The following DST variants were observed in gnomAD, a reference collection of about 807,000 sequenced individuals.
DST encodes the protein bullous pemphigoid antigen.
A neutral mutation model predicts 875.2 loss-of-function variants in DST; 253 were observed. The ratio of observed to expected loss-of-function variants is 0.29; its 90% confidence interval spans 0.26 to 0.32. DST has a LOEUF of 0.32. Ranked by LOEUF, DST falls within the 10% of genes least tolerant of loss-of-function variation. The pLI, the probability that DST is intolerant of heterozygous loss-of-function variation, is 1.00. For missense variants in DST, 8,287 were observed against 9,111.6 expected (o/e 0.91, Z 3.68); for synonymous variants, 3,124 against 3,197.1 (o/e 0.98, Z 0.77).
chr6:56,659,004 C>T (rs1439952031), intron 10 of DST, among the ~76,000 whole-genome samples: 2 of 152,240 alleles, frequency 1.3e-5, no homozygotes, highest in East Asian at 3.9e-4. Flanking sequence ...CTCTCATGAA[C>T]GTCTTAAAGG....
chr6:56,937,380 G>A (rs1239515244), intron 2 of DST, among the ~76,000 whole-genome samples: 1 of 152,084 alleles, frequency 6.6e-6, no homozygotes, highest in African/African-American at 2.4e-5. Context: ...CACCAGAGAA[G>A]ATATATGAAT....
At position 56,598,533 on chromosome 6, in the gene DST, C is replaced by G; in HGVS notation, c.11871G>C (p.Gln3957His). ...KCEQLNLKAE[Q>H]SKKELDKVVT... ...CAACTTTATCCAGCTCCTTTTTAGA[C>G]TGTTCTGCTTTTAAATTAAGCTGTT... The change falls in exon 46 of 104, where the codon CAG becomes CAC. Residue 3957 changes from glutamine to histidine, a missense_variant. Coordinates refer to ENST00000680361, the MANE Select transcript of DST (RefSeq NM_001374736.1). 6.2e-7 allele frequency: 1 copy of G among 1,603,322 alleles called. No homozygotes were observed.
At chr6:56,759,199 C>T (rs2099611497) in intron 4 of DST, among the ~76,000 whole-genome samples, 1 of 152,120 alleles carries the variant, frequency 6.6e-6, no homozygotes, top group Admixed American at 6.5e-5. Context: ...GCCTGTAATC[C>T]CAGCACTCTG....
At chr6:56,509,914 T>C (rs761642367) in intron 73 of DST, 41 bp from the exon 74 acceptor site, 44 of 1,405,334 alleles carry the variant, frequency 3.1e-5, no homozygotes, top group Middle Eastern at 3.7e-4. Flanking sequence ...AAAAAAGATC[T>C]GTAATACCAA....
At chr6:56,803,741 T>A (rs2099750007) in intron 4 of DST, among the ~76,000 whole-genome samples, 1 of 152,214 alleles carries the variant, frequency 6.6e-6, no homozygotes, top group African/African-American at 2.4e-5. Flanking sequence ...CCTTTTACAT[T>A]ATTCTAAGAT....
chr6:56,781,631 A>G (rs906230552), intron 4 of DST, among the ~76,000 whole-genome samples: 8 of 152,160 alleles, frequency 5.3e-5, no homozygotes, highest in African/African-American at 1.9e-4. Context: ...GGCTGAGACA[A>G]TGGGGTTTTC....
At chr6:56,659,028 T>C (rs1032939367) in intron 10 of DST, among the ~76,000 whole-genome samples, 3 of 152,118 alleles carry the variant, frequency 2.0e-5, no homozygotes, top group Non-Finnish European at 2.9e-5. Flanking sequence ...GTAAACTTTT[T>C]CCCCAATAGC....
intron 4 of DST, among the ~76,000 whole-genome samples, chr6:56,802,550 CT>C (rs1263940104): frequency 6.6e-6 from 1 of 151,988 alleles, no homozygotes; most frequent in African/African-American, 2.4e-5. Flanking sequence ...ATATTGACTC[CT>C]AACTGCCAGC....
At chr6:56,867,114 G>A (rs1437177612) in intron 3 of DST, among the ~76,000 whole-genome samples, 1 of 152,184 alleles carries the variant, frequency 6.6e-6, no homozygotes, top group Non-Finnish European at 1.5e-5. Flanking sequence ...GGGGATAACA[G>A]AGAACCGAGG....
intron 50 of DST, 108 bp downstream of exon 50, chr6:56,578,706 C>G: frequency 2.7e-6 from 3 of 1,119,984 alleles, no homozygotes; most frequent in Non-Finnish European, 3.8e-6. Flanking sequence ...AGAGAAAGAG[C>G]ACATAGAACA....
chr6:56,864,188 C>A (rs1369061417), intron 3 of DST: 1 of 152,204 alleles, frequency 6.6e-6, no homozygotes, highest in Non-Finnish European at 1.5e-5. Flanking sequence ...GCCTGAGTTT[C>A]CAGCCTGATA....
chr6:56,743,850 TAAA>T (rs1282145514), intron 4 of DST, among the ~76,000 whole-genome samples: 23 of 152,200 alleles, frequency 1.5e-4, no homozygotes, highest in Non-Finnish European at 4.4e-5. Context: ...AAAAATGAGT[TAAA>T]AATAAAAAGT....
At chr6:56,642,665 T>A (rs1237023180) in intron 15 of DST, 162 bp from the exon 16 acceptor site, 1 of 1,614,180 alleles carries the variant, frequency 6.2e-7, no homozygotes, top group Non-Finnish European at 8.5e-7. Flanking sequence ...ATGCAAGAGT[T>A]GATCAGTGTT....
chr6:56,790,064 C>A (rs1425459076), intron 4 of DST, among the ~76,000 whole-genome samples: 2 of 152,114 alleles, frequency 1.3e-5, no homozygotes, highest in Non-Finnish European at 2.9e-5. Flanking sequence ...TCTCTTCATG[C>A]CTAGACTGCT....
chr6:56,692,260 A>T, intron 9 of DST: 1 of 449,660 alleles, frequency 2.2e-6, no homozygotes, highest in Non-Finnish European at 3.6e-6. Flanking sequence ...ACAAAACGCA[A>T]CAGAAACTCT....
chr6:56,499,043 A>C lies in DST; in HGVS notation c.19897-990T>G, dbSNP rs187335246. Among the ~76,000 whole-genome samples, 3 of 152,304 alleles carry C rather than the reference A, an allele frequency of 2.0e-5. No homozygotes were observed. The East Asian group carries it at 5.8e-4, about 29-fold the overall frequency. On this transcript the variant is annotated intron_variant, in intron 80 of 103. Coordinates refer to ENST00000680361, the MANE Select transcript of DST (RefSeq NM_001374736.1). ...AAATATCAATTTCTTTTACTGAATG[A>C]GTATAGCCTTAGTAATATTAATAGT...
At position 56,615,808 on chromosome 6, in the gene DST, G is replaced by A. The variant is rs375035239; in HGVS notation, c.4930-1324C>T. 9.9e-6 allele frequency: 16 copies of A among 1,613,906 alleles called. No individual in the cohort carries two copies. The highest frequency in any genetic ancestry group is 1.3e-5 in the Non-Finnish European group (15 of 1,180,030). On this transcript the variant is annotated intron_variant, in intron 36 of 103. Coordinates refer to ENST00000680361, the MANE Select transcript of DST (RefSeq NM_001374736.1). ...TCAAGTACTGAAATTCCAAACATCGGATTCCCATTTCCTTATTTATAATAT... is the reference window on the plus strand; with the variant it reads ...TCAAGTACTGAAATTCCAAACATCGAATTCCCATTTCCTTATTTATAATAT...
At position 56,851,663 on chromosome 6, in the gene DST, T is replaced by C. The variant is rs796655231; in HGVS notation, c.418-59A>G. On this transcript the variant is annotated intron_variant, in intron 3 of 103. Coordinates refer to ENST00000680361, the MANE Select transcript of DST (RefSeq NM_001374736.1). ...CAAAATACTCACATATGCTCAATGA[T>C]TTAAACATCTCCCCCACCAACCACC... 12 of 1,572,608 alleles carry C rather than the reference T, an allele frequency of 7.6e-6. No homozygotes were observed. In the African/African-American group the frequency reaches 1.5e-4, roughly 20 times the overall value.
chr6:56,677,486 C>G (rs550279690), intron 9 of DST, among the ~76,000 whole-genome samples: 1 of 152,202 alleles, frequency 6.6e-6, no homozygotes, highest in African/African-American at 2.4e-5. Flanking sequence ...CTGGCTAATT[C>G]TTTTAAATTT....
Sources: gnomAD v4.1 joint callset for allele counts (sites outside exome capture counted in the v4.1 genomes callset) on GRCh38, gnomAD v4.1.1 for gene constraint, MANE v1.5 for transcripts, NCBI Gene and HGNC (gene_info 2026-07-23, HGNC 2026-07-21) for gene names.